The following PDZD2 variants were observed in gnomAD, a reference collection of about 807,000 sequenced individuals.
PDZD2 encodes the protein PDZ domain containing 2.
A neutral mutation model predicts 220.7 loss-of-function variants in PDZD2; 90 were observed. The ratio of observed to expected loss-of-function variants is 0.41; its 90% CI spans 0.34 to 0.49. The LOEUF is 0.49. PDZD2 is among the 20% of genes least tolerant of loss of function. PDZD2 has a pLI of 0.28. For missense variants in PDZD2, 3,174 were observed against 3,608.5 expected (o/e 0.88, Z 3.08); for synonymous variants, 1,375 against 1,450.5 (o/e 0.95, Z 1.18).
chr5:31,941,681 A>G (rs1746225773), intron 2 of PDZD2, among the ~76,000 whole-genome samples: 2 of 152,328 alleles, frequency 1.3e-5, no homozygotes, highest in South Asian at 2.1e-4. Context: ...TGGCCCATCC[A>G]AACTTTGTGT....
At chr5:31,875,146 T>C (rs1484946753) in intron 2 of PDZD2, among the ~76,000 whole-genome samples, 2 of 152,234 alleles carry the variant, frequency 1.3e-5, no homozygotes, top group Admixed American at 6.5e-5. Flanking sequence ...CTGCCTTTGC[T>C]GTTTTGTTTT....
intron 1 of PDZD2, among the ~76,000 whole-genome samples, chr5:31,695,463 G>T (rs1339634395): frequency 6.6e-6 from 1 of 152,220 alleles, no homozygotes; most frequent in Non-Finnish European, 1.5e-5. Context: ...ACTTACTTCA[G>T]TGTAATCCCA....
chr5:31,969,588 A>G (rs1749109269), intron 2 of PDZD2, among the ~76,000 whole-genome samples: 1 of 146,314 alleles, frequency 6.8e-6, no homozygotes, highest in Admixed American at 7.0e-5. Flanking sequence ...GTGGCTCTAG[A>G]GATAGAAAGT....
intron 2 of PDZD2, among the ~76,000 whole-genome samples, chr5:31,839,510 C>T (rs560867622): frequency 6.6e-6 from 1 of 152,264 alleles, no homozygotes; most frequent in African/African-American, 2.4e-5. Flanking sequence ...GAGACAGAAA[C>T]CTGAGGTTTT....
At chr5:31,696,655 G>A (rs540739971) in intron 1 of PDZD2, among the ~76,000 whole-genome samples, 5 of 152,232 alleles carry the variant, frequency 3.3e-5, no homozygotes, top group South Asian at 2.1e-4. Flanking sequence ...GAGGGGCTTC[G>A]GCAAGTTGCA....
intron 1 of PDZD2, among the ~76,000 whole-genome samples, chr5:31,699,773 T>C (rs567619891): frequency 7.0e-6 from 1 of 142,154 alleles, no homozygotes; most frequent in African/African-American, 2.6e-5. Context: ...GGCTGTTTTT[T>C]TTTGTTTGTT....
intron 2 of PDZD2, among the ~76,000 whole-genome samples, chr5:31,891,205 C>T (rs555479368): frequency 2.1e-4 from 31 of 146,592 alleles, no homozygotes; most frequent in South Asian, 2.2e-4. Flanking sequence ...GGCGCGATCT[C>T]GGCTCACTGC....
chr5:32,094,245 G>T (rs1743440131), intron 21 of PDZD2, among the ~76,000 whole-genome samples: 1 of 152,168 alleles, frequency 6.6e-6, no homozygotes, highest in South Asian at 2.1e-4. Context: ...AAATCTTTCA[G>T]TAAATCAGTT....
At position 31,849,839 on chromosome 5, in the gene PDZD2, A is replaced by ATC. The variant is rs1176765212; in HGVS notation, c.476+50134_476+50135dup. On this transcript the variant is annotated intron_variant, in intron 2 of 24. Transcript: ENST00000438447. ...AACTTGGGTGATGGAGTGAGACTCC[A>ATC]TCTCTCTCTCTCTCTCTCTCATATA... Among the ~76,000 whole-genome samples, 16 of 136,648 alleles carry ATC rather than the reference A, an allele frequency of 1.2e-4. 1 individual carries two copies. The highest frequency in any genetic ancestry group is 4.7e-4 in the South Asian group (2 of 4,266). The allele number at this position is 136,648 out of a possible 152,430, so 89.6% of individuals were successfully genotyped here. A position where few individuals can be genotyped will look rare whatever the true frequency, so the allele number is the denominator to read the frequency against.
At chr5:31,749,394 G>C (rs1750798623) in intron 1 of PDZD2, among the ~76,000 whole-genome samples, 1 of 151,614 alleles carries the variant, frequency 6.6e-6, no homozygotes, top group South Asian at 2.1e-4. Context: ...GTGCCTAGCT[G>C]ATTCAAGAGT....
intron 1 of PDZD2, among the ~76,000 whole-genome samples, chr5:31,786,843 G>C (rs1047307513): frequency 2.6e-5 from 4 of 152,144 alleles, no homozygotes; most frequent in East Asian, 1.9e-4. Context: ...GTTAATTAAT[G>C]ATGAGGTCAG....
chr5:31,689,356 T>TTTTTTTTTTA (rs1747023383), intron 1 of PDZD2, among the ~76,000 whole-genome samples: 1 of 112,770 alleles, frequency 8.9e-6, no homozygotes, highest in Non-Finnish European at 1.8e-5. Context: ...TATATATATT[T>TTTTTTTTTTA]TTTTTTTTTT....
At position 32,087,273 on chromosome 5, in the gene PDZD2, G is replaced by A. The variant is rs145983365; in HGVS notation, c.3825G>A (p.Lys1275=). Residue 1275 remains lysine, a synonymous_variant, in exon 20 of 25, where the codon AAG becomes AAA. Coordinates refer to ENST00000438447, the MANE Select transcript of PDZD2 (RefSeq NM_178140.4). The surrounding 1 kb of genome is among the most constrained non-coding windows in gnomAD (Gnocchi z 4.0). ...AGCCTGCATCGCCCAGGGTCACCAA[G>A]TGCAAGGCCAGGTCTCCAGTCAGGC... is the stretch of plus-strand genomic sequence containing the variant. ...PSQPASPRVT[K]CKARSPVRLP... is the part of the protein sequence containing the mutation. 1.9e-6 allele frequency: 3 copies of A among 1,614,078 alleles called. No homozygotes were observed. Among genetic ancestry groups the A allele is most frequent in the Non-Finnish European group, 2.5e-6 (3 of 1,180,030 alleles).
intron 24 of PDZD2, among the ~76,000 whole-genome samples, chr5:32,105,559 C>A (rs1051930622): frequency 1.3e-5 from 2 of 151,976 alleles, no homozygotes; most frequent in African/African-American, 4.8e-5. Context: ...AGCTAAATAG[C>A]AGTTGAAAAA....
chr5:32,010,616 CTA>C (rs1290842572), intron 6 of PDZD2, 134 bp downstream of exon 6: 3 of 744,570 alleles, frequency 4.0e-6, no homozygotes, highest in Non-Finnish European at 7.4e-6. Context: ...TGCATTCTTT[CTA>C]TGTTTTTCTC....
At chr5:31,672,134 G>C (rs1390268184) in intron 1 of PDZD2, among the ~76,000 whole-genome samples, 1 of 152,098 alleles carries the variant, frequency 6.6e-6, no homozygotes, top group African/African-American at 2.4e-5. Flanking sequence ...GCATACCCTA[G>C]GAGGCAAAAT....
chr5:31,789,906 G>A (rs763192481), intron 1 of PDZD2, among the ~76,000 whole-genome samples: 66 of 152,184 alleles, frequency 4.3e-4, no homozygotes, highest in Middle Eastern at 6.8e-3. Context: ...CAACAAGAGC[G>A]AAACTCCTTC....
intron 1 of PDZD2, among the ~76,000 whole-genome samples, chr5:31,785,551 C>G (rs1753332223): frequency 6.6e-6 from 1 of 151,844 alleles, no homozygotes; most frequent in Non-Finnish European, 1.5e-5. Context: ...AGAGATCCTG[C>G]CATGTCAGCC....
chr5:31,916,168 G>A (rs1743659644), intron 2 of PDZD2, among the ~76,000 whole-genome samples: 2 of 152,204 alleles, frequency 1.3e-5, no homozygotes, highest in South Asian at 4.1e-4. Context: ...AGAACACTGT[G>A]TTTACAAAAT....
Sources: gnomAD v4.1 joint callset for allele counts (sites outside exome capture counted in the v4.1 genomes callset) on GRCh38, gnomAD v4.1.1 for gene constraint, Gnocchi (gnomAD v3.1) non-coding constraint, MANE v1.5 for transcripts, NCBI Gene and HGNC (gene_info 2026-07-23, HGNC 2026-07-21) for gene names.